The following MTR variants were observed in gnomAD, a reference collection of about 807,000 sequenced individuals.
The protein encoded by MTR is methionine synthase.
Under a neutral mutation model 154.8 loss-of-function variants are expected in MTR, and 84 were observed. That is an observed-to-expected ratio of 0.54 (90% CI 0.45 to 0.65). MTR has a LOEUF of 0.65. Ranked by LOEUF, MTR falls within the 30% of genes least tolerant of loss-of-function variation. The pLI is 0.00. For synonymous variants in MTR, 554 were observed against 553.9 expected, an observed-to-expected ratio of 1.00 and a Z score of 0.00; for missense variants, 1,275 against 1,570.2, an observed-to-expected ratio of 0.81 and a Z score of 3.18.
At position 236,900,090 on chromosome 1, in the gene MTR, C is replaced by G; in HGVS notation, c.*2446C>G. The G allele has an allele frequency of 3.2e-6, 1 of 311,336 alleles. No individual in the cohort carries two copies. Among genetic ancestry groups the G allele is most frequent in the Non-Finnish European group, 6.5e-6 (1 of 154,660 alleles). 19.3% of individuals were successfully genotyped at this position (311,336 alleles called of 1,614,324 possible). A position where few individuals can be genotyped will look rare whatever the true frequency, so the allele number is the denominator to read the frequency against. Reference sequence around the variant, plus strand: ...ATGTCCAGCAAACTCTTGCATGTGGCCACTAGGAGGAATGTGTAAGAATGT... The same window carrying G: ...ATGTCCAGCAAACTCTTGCATGTGGGCACTAGGAGGAATGTGTAAGAATGT... On this transcript the variant is annotated 3_prime_UTR_variant, in exon 33 of 33. Coordinates refer to ENST00000366577, the MANE Select transcript of MTR (RefSeq NM_000254.3).
At chr1:236,851,564 A>C (rs1251365458) in intron 16 of MTR, among the ~76,000 whole-genome samples, 3 of 152,246 alleles carry the variant, frequency 2.0e-5, no homozygotes, top group Admixed American at 2.0e-4. Flanking sequence ...ATTGGTTGAC[A>C]AAAATGTCAT....
chr1:236,817,288 T>G (rs1661648654), intron 8 of MTR, among the ~76,000 whole-genome samples: 1 of 152,036 alleles, frequency 6.6e-6, no homozygotes, highest in Admixed American at 6.6e-5. Context: ...GCTATGCTGG[T>G]CCCCTTCCCC....
At chr1:236,841,952 G>A (rs1374140256) in intron 15 of MTR, among the ~76,000 whole-genome samples, 6 of 150,572 alleles carry the variant, frequency 4.0e-5, no homozygotes, top group Non-Finnish European at 7.4e-5. Flanking sequence ...GTGCGGTGGC[G>A]CGATCTTGGC....
At chr1:236,834,619 T>A (rs552013375) in intron 13 of MTR, among the ~76,000 whole-genome samples, 38 of 152,136 alleles carry the variant, frequency 2.5e-4, no homozygotes. Context: ...ATTTTTTTTT[T>A]CCTTGGGCTA....
intron 27 of MTR, among the ~76,000 whole-genome samples, chr1:236,888,026 C>T (rs1666115890): frequency 6.6e-6 from 1 of 152,316 alleles, no homozygotes; most frequent in East Asian, 1.9e-4. Context: ...AAGGGATTGT[C>T]CCGTGTAGTA....
intron 8 of MTR, chr1:236,819,938 C>T (rs1361348457): frequency 1.9e-6 from 2 of 1,067,908 alleles, no homozygotes; most frequent in Admixed American, 1.7e-5. Flanking sequence ...CAGTTGCTGG[C>T]CGCTTCACTT....
intron 32 of MTR, 90 bp from the exon 33 acceptor site, chr1:236,897,468 T>G (rs1666728301): frequency 8.6e-7 from 1 of 1,166,064 alleles, no homozygotes; most frequent in Non-Finnish European, 1.3e-6. Flanking sequence ...AAATGCAAGG[T>G]ACTTAATGTT....
intron 18 of MTR, among the ~76,000 whole-genome samples, chr1:236,854,057 T>C (rs1022096653): frequency 1.3e-5 from 2 of 152,232 alleles, no homozygotes; most frequent in African/African-American, 4.8e-5. Flanking sequence ...TTGCCAACTT[T>C]GTTAATGTTT....
chr1:236,841,983 C>T (rs902789956), intron 15 of MTR, among the ~76,000 whole-genome samples: 3 of 151,946 alleles, frequency 2.0e-5, no homozygotes, highest in Non-Finnish European at 2.9e-5. Flanking sequence ...CTCCGCCCCC[C>T]GGGGTTCACG....
chr1:236,798,046 AAG>A (rs1046160148), intron 1 of MTR, among the ~76,000 whole-genome samples: 1 of 152,162 alleles, frequency 6.6e-6, no homozygotes, highest in Non-Finnish European at 1.5e-5. Context: ...CCAAAAATGA[AAG>A]AGAGAAGTAT....
Position 236,851,012 on chromosome 1 carries a change from C to T in MTR, c.1695+489C>T, listed in dbSNP as rs145029160. On this transcript the variant is annotated intron_variant, in intron 16 of 32. Coordinates refer to ENST00000366577, the MANE Select transcript of MTR (RefSeq NM_000254.3). The stretch of plus-strand genomic sequence containing the variant: ...GTAGCTATTGTCCTGAGTTTTATGA[C>T]GCTACTCTGTTGCTTTTCTTCATAA... Among the ~76,000 whole-genome samples the T allele has an allele frequency of 5.2e-3, 786 of 152,274 alleles. 23 individuals are homozygous for T. Among genetic ancestry groups the T allele is most frequent in the Admixed American group, 0.039 (593 of 15,296 alleles).
intron 31 of MTR, 86 bp from the exon 32 acceptor site, chr1:236,896,920 A>C: frequency 1.0e-6 from 1 of 960,104 alleles, no homozygotes; most frequent in African/African-American, 1.6e-5. Flanking sequence ...CACTTGTTCA[A>C]CAAGAGTTCA....
chr1:236,883,243 A>C (rs1035546750), intron 25 of MTR, among the ~76,000 whole-genome samples: 1 of 152,236 alleles, frequency 6.6e-6, no homozygotes, highest in African/African-American at 2.4e-5. Flanking sequence ...AGTGGTTGGC[A>C]TGAAAACACA....
chr1:236,806,558 G>T (rs551984626), intron 3 of MTR, among the ~76,000 whole-genome samples: 36 of 152,106 alleles, frequency 2.4e-4, no homozygotes, highest in Non-Finnish European at 4.4e-4. Context: ...TGGCAGCCTT[G>T]GTTTCTTTCT....
rs115091118 is a variant in MTR at position 236,896,498 on chromosome 1, G to A, written c.3599-508G>A. 4.4e-3 allele frequency among the ~76,000 whole-genome samples: 666 copies of A among 152,312 alleles called. 4 individuals are homozygous for A. Among genetic ancestry groups the A allele is most frequent in the African/African-American group, 0.015 (644 of 41,570 alleles). On this transcript the variant is annotated intron_variant, in intron 31 of 32. Coordinates refer to ENST00000366577, the MANE Select transcript of MTR (RefSeq NM_000254.3). Reference sequence around the variant, plus strand: ...TGTTTCCTTGTTCATAGAATGAGTGGCTTCGAATAGATATCCTTGAGGGTC... The same window carrying A: ...TGTTTCCTTGTTCATAGAATGAGTGACTTCGAATAGATATCCTTGAGGGTC...
intron 15 of MTR, among the ~76,000 whole-genome samples, chr1:236,842,227 G>A (rs981559884): frequency 1.3e-5 from 2 of 152,092 alleles, no homozygotes; most frequent in African/African-American, 4.8e-5. Flanking sequence ...TGTGAAACTT[G>A]TTTTTCTATT....
At chr1:236,813,855 G>A (rs1346126044) in intron 6 of MTR, among the ~76,000 whole-genome samples, 2 of 152,046 alleles carry the variant, frequency 1.3e-5, no homozygotes, top group Non-Finnish European at 2.9e-5. Context: ...GTTAGTTTGT[G>A]TGTGCGTTTT....
At chr1:236,826,935 G>A in intron 11 of MTR, 39 bp downstream of exon 11, 2 of 1,537,308 alleles carry the variant, frequency 1.3e-6, no homozygotes, top group Non-Finnish European at 1.8e-6. Context: ...AAAACCAAGT[G>A]GATAATCAGG....
Position 236,838,418 on chromosome 1 carries a change from C to G in MTR, c.1334C>G (p.Pro445Arg). 1 of 1,614,104 alleles carries G rather than the reference C, an allele frequency of 6.2e-7. No homozygotes were observed. The part of the protein sequence containing the change: ...IASEPDIAKV[P>R]LCIDSSNFAV... ...TTCTTGCCTTTCTGATCTCAGGTACCTTTGTGCATCGACTCCTCCAATTTT... is the reference window on the plus strand; with the variant it reads ...TTCTTGCCTTTCTGATCTCAGGTACGTTTGTGCATCGACTCCTCCAATTTT... Residue 445 changes from proline (P) to arginine (R), a missense_variant, in exon 15 of 33, where the codon CCT (proline) becomes CGT (arginine). Coordinates refer to ENST00000366577, the MANE Select transcript of MTR (RefSeq NM_000254.3).
Sources: allele counts gnomAD v4.1 joint callset (sites outside exome capture counted in the v4.1 genomes callset), GRCh38; gene constraint gnomAD v4.1.1; transcripts MANE v1.5; gene names NCBI Gene and HGNC (gene_info 2026-07-23, HGNC 2026-07-21).